Variants in SHISA9 observed in about 807,000 individuals in gnomAD.
SHISA9 encodes the protein protein shisa-9.
Under a neutral mutation model 38.0 loss-of-function variants are expected in SHISA9, and 13 were observed. The ratio of observed to expected loss-of-function variants is 0.34; its 90% confidence interval spans 0.22 to 0.54. The LOEUF (loss-of-function observed/expected upper bound fraction) is 0.54. Among genes scored for constraint, SHISA9 ranks in the 20% least tolerant of loss-of-function variants. The pLI is 0.91. For missense variants in SHISA9, 538 were observed against 575.8 expected (o/e 0.93, Z 0.67); for synonymous variants, 275 against 242.0 (o/e 1.14, Z -1.27).
chr16:13,007,133 C>T (rs752546322), intron 2 of SHISA9, among the ~76,000 whole-genome samples: 12 of 152,296 alleles, frequency 7.9e-5, no homozygotes, highest in African/African-American at 2.4e-4. Flanking sequence ...CAGACTAACT[C>T]GTTCTCTAGG....
At chr16:12,924,864 G>A (rs1434013409) in intron 2 of SHISA9, among the ~76,000 whole-genome samples, 1 of 152,076 alleles carries the variant, frequency 6.6e-6, no homozygotes, top group African/African-American at 2.4e-5. Flanking sequence ...GTGCAGTCTT[G>A]GAAACATTAA....
At chr16:12,935,552 A>G (rs1262652836) in intron 2 of SHISA9, among the ~76,000 whole-genome samples, 2 of 152,128 alleles carry the variant, frequency 1.3e-5, no homozygotes, top group Admixed American at 6.6e-5. Flanking sequence ...AAAATCGAAT[A>G]ATTAGAAGGG....
chr16:12,975,656 C>CGGGGGGGGGGAGGGGGGG (rs139081896), intron 2 of SHISA9, among the ~76,000 whole-genome samples: 4 of 109,494 alleles, frequency 3.7e-5, no homozygotes, highest in Admixed American at 9.3e-5. Context: ...GGGACGGGGG[C>CGGGGGGGGGGAGGGGGGG]GGGGGGGGTA....
At chr16:13,121,881 ACAG>A (rs1356525608) in intron 2 of SHISA9, among the ~76,000 whole-genome samples, 1 of 139,084 alleles carries the variant, frequency 7.2e-6, no homozygotes, top group African/African-American at 2.8e-5. Context: ...ACACACACAC[ACAG>A]AACAGGCCTA....
chr16:12,909,921 A>T (rs2071159032), intron 1 of SHISA9: 3 of 150,242 alleles, frequency 2.0e-5, no homozygotes, highest in Admixed American at 1.3e-4. Flanking sequence ...CAGTGGTGTG[A>T]TCTTGCCTCA....
intron 2 of SHISA9, among the ~76,000 whole-genome samples, chr16:13,199,582 T>G (rs2050984196): frequency 6.6e-6 from 1 of 152,234 alleles, no homozygotes; most frequent in Admixed American, 6.5e-5. Context: ...GCTGCTTTCC[T>G]GTGGGTGTGA....
At chr16:13,067,913 C>G (rs552185942) in intron 2 of SHISA9, among the ~76,000 whole-genome samples, 2 of 152,340 alleles carry the variant, frequency 1.3e-5, no homozygotes, top group South Asian at 4.1e-4. Flanking sequence ...CTTGAGATGT[C>G]ACTTCCTCAA....
intron 2 of SHISA9, among the ~76,000 whole-genome samples, chr16:13,008,677 C>CT (rs1567179980): frequency 2.4e-4 from 33 of 136,132 alleles, no homozygotes; most frequent in African/African-American, 8.0e-4. Flanking sequence ...CTCCCTCCCT[C>CT]CCTCTCTCTC....
At chr16:12,975,658 G>C (rs1173822138) in intron 2 of SHISA9, among the ~76,000 whole-genome samples, 2 of 147,720 alleles carry the variant, frequency 1.4e-5, no homozygotes, top group East Asian at 4.1e-4. Context: ...GACGGGGGCG[G>C]GGGGGGTAAG....
At chr16:13,359,187 G>A in the SHISA9 span, among the ~76,000 whole-genome samples, 6 of 152,098 alleles carry the variant, frequency 3.9e-5, no homozygotes, top group African/African-American at 1.4e-4. Flanking sequence ...TAGTACTGAG[G>A]AGAATCAACT....
chr16:12,980,030 A>T (rs1014089363), intron 2 of SHISA9, among the ~76,000 whole-genome samples: 19 of 152,212 alleles, frequency 1.2e-4, no homozygotes, highest in African/African-American at 4.3e-4. Flanking sequence ...ACAAGGTCAG[A>T]TGAGGCTGAG....
At chr16:13,294,615 C>T in the SHISA9 span, among the ~76,000 whole-genome samples, 15 of 152,280 alleles carry the variant, frequency 9.9e-5, no homozygotes, top group Admixed American at 2.0e-4. Context: ...ATAGACTTCC[C>T]GGTGCCAGGA....
intron 1 of SHISA9, among the ~76,000 whole-genome samples, chr16:12,903,747 A>AT (rs1418335840): frequency 6.6e-6 from 1 of 151,538 alleles, no homozygotes; most frequent in East Asian, 2.0e-4. Context: ...AAGTCGCTGT[A>AT]TTTTTCTCTA....
chr16:12,948,918 A>G (rs564222979), intron 2 of SHISA9, among the ~76,000 whole-genome samples: 1 of 152,358 alleles, frequency 6.6e-6, no homozygotes, highest in South Asian at 2.1e-4. Flanking sequence ...TAAGCATTTA[A>G]ATATTATATA....
chr16:13,429,748 T>C, the SHISA9 span, among the ~76,000 whole-genome samples: 1 of 152,348 alleles, frequency 6.6e-6, no homozygotes, highest in South Asian at 2.1e-4. Context: ...ACTTGATAAC[T>C]AATTGAATGT....
the SHISA9 span, among the ~76,000 whole-genome samples, chr16:13,270,590 G>T: frequency 6.6e-6 from 1 of 152,196 alleles, no homozygotes; most frequent in Non-Finnish European, 1.5e-5. Context: ...GTAGTCAAAA[G>T]TGTACCAGCT....
At chr16:13,416,008 C>T in the SHISA9 span, among the ~76,000 whole-genome samples, 20 of 152,122 alleles carry the variant, frequency 1.3e-4, no homozygotes, top group Non-Finnish European at 2.4e-4. Flanking sequence ...GAGGTGCTTT[C>T]GTGGCATTGG....
the SHISA9 span, among the ~76,000 whole-genome samples, chr16:13,476,429 C>T: frequency 1.3e-5 from 2 of 152,174 alleles, no homozygotes; most frequent in African/African-American, 4.8e-5. Flanking sequence ...AGTCTTCTTC[C>T]TTAGCAATAA....
At chr16:13,079,272 C>A (rs1370306055) in intron 2 of SHISA9, among the ~76,000 whole-genome samples, 2 of 152,194 alleles carry the variant, frequency 1.3e-5, no homozygotes, top group Non-Finnish European at 2.9e-5. Context: ...CACCAAGCTT[C>A]CATTTTCTTA....
Sources: gnomAD v4.1 joint callset for allele counts (sites outside exome capture counted in the v4.1 genomes callset) on GRCh38, gnomAD v4.1.1 for gene constraint, MANE v1.5 for transcripts, NCBI Gene and HGNC (gene_info 2026-07-23, HGNC 2026-07-21) for gene names.